Variants in LRRIQ1 observed in about 807,000 individuals in gnomAD.
LRRIQ1 encodes leucine rich repeats and IQ motif containing 1.
In LRRIQ1, 210 loss-of-function variants were observed where a neutral mutation model predicts 211.9. The observed-to-expected ratio is 0.99, with a 90% confidence interval of 0.89 to 1.11. The LOEUF is 1.11. LRRIQ1 is among the 50% of genes most tolerant of loss of function. The probability of loss-of-function intolerance (pLI) is 0.00; values close to 1 mark genes in which losing one functional copy is unlikely to be tolerated. For synonymous variants in LRRIQ1, 699 were observed against 650.1 expected (o/e 1.08, Z -1.14); for missense variants, 2,136 against 1,939.5 (o/e 1.10, Z -1.90).
At chr12:85,055,411 T>C in intron 7 of LRRIQ1, 136 bp from the exon 8 acceptor site, 1 of 668,524 alleles carries the variant, frequency 1.5e-6, no homozygotes, top group East Asian at 3.5e-5. Flanking sequence ...GACTTTAGTT[T>C]CTCTAAATAA....
intron 18 of LRRIQ1, among the ~76,000 whole-genome samples, chr12:85,132,429 G>A (rs756621777): frequency 2.6e-5 from 4 of 152,150 alleles, no homozygotes; most frequent in Admixed American, 2.0e-4. Flanking sequence ...GGGAGAAGGC[G>A]TTCTGAAAGA....
chr12:85,252,430 G>A (rs1377461735), intron 1 of LRRIQ1, among the ~76,000 whole-genome samples: 3 of 151,882 alleles, frequency 2.0e-5, no homozygotes, highest in African/African-American at 7.2e-5. Context: ...TAGACCAACA[G>A]ATACAATGTA....
chr12:85,096,598 A>G (rs2136263687), intron 11 of LRRIQ1, among the ~76,000 whole-genome samples: 1 of 152,228 alleles, frequency 6.6e-6, no homozygotes, highest in Non-Finnish European at 1.5e-5. Flanking sequence ...ACCTTAGCAT[A>G]TGTTCTGTGT....
chr12:85,259,418 T>G (rs1312422616), intron 1 of LRRIQ1, among the ~76,000 whole-genome samples: 2 of 152,074 alleles, frequency 1.3e-5, no homozygotes. Flanking sequence ...TAGGACAAAG[T>G]AATGACTTTG....
chr12:85,261,465 CTAA>C lies in LRRIQ1; in HGVS notation c.122-1448_122-1446del, dbSNP rs1246205393. 8.6e-5 allele frequency among the ~76,000 whole-genome samples: 13 copies of C among 152,036 alleles called. No individual in the cohort carries two copies. In the East Asian group the frequency reaches 2.5e-3, roughly 29 times the overall value. Reference sequence around the variant, plus strand: ...TTACAGACCAATTTCCTCAAATGGCCTAATGTTTGCTGACTCTTCTATTTGAAT... The same window carrying C: ...TTACAGACCAATTTCCTCAAATGGCCTGTTTGCTGACTCTTCTATTTGAAT... On this transcript the variant is annotated intron_variant, in intron 1 of 1. Transcript: ENST00000602731.
chr12:85,117,082 A>G (rs1300722493), intron 15 of LRRIQ1, among the ~76,000 whole-genome samples: 1 of 152,148 alleles, frequency 6.6e-6, no homozygotes, highest in East Asian at 1.9e-4. Flanking sequence ...GTAGTTCATA[A>G]ACAGTCATTT....
At chr12:85,127,002 C>A (rs1350725459) in intron 17 of LRRIQ1, among the ~76,000 whole-genome samples, 1 of 152,086 alleles carries the variant, frequency 6.6e-6, no homozygotes, top group Non-Finnish European at 1.5e-5. Context: ...AATTACTAAT[C>A]TTTTTAAGCC....
chr12:85,213,518 A>G (rs1278244120), intron 24 of LRRIQ1, among the ~76,000 whole-genome samples: 1 of 152,030 alleles, frequency 6.6e-6, no homozygotes, highest in Non-Finnish European at 1.5e-5. Context: ...AGAACATTCA[A>G]CAATTGGAAA....
At position 85,237,783 on chromosome 12, in the gene LRRIQ1, T is replaced by A. The variant is rs535251358; in HGVS notation, c.5016+5027T>A. The stretch of plus-strand genomic sequence containing the variant: ...TTAATCAACAAATAAATCAACTGCC[T>A]GCTAGAATAAAAACTGCCTCTGTTA... On this transcript the variant is annotated intron_variant, in intron 26 of 26. Transcript: ENST00000393217. Among the ~76,000 whole-genome samples, 6 of 152,238 alleles carry A rather than the reference T, an allele frequency of 3.9e-5. No individual in the cohort carries two copies. In the South Asian group the frequency reaches 6.2e-4, roughly 16 times the overall value.
At chr12:85,171,496 T>A (rs1356024572) in intron 24 of LRRIQ1, among the ~76,000 whole-genome samples, 2 of 152,086 alleles carry the variant, frequency 1.3e-5, no homozygotes, top group African/African-American at 4.8e-5. Flanking sequence ...AAGACAGAAA[T>A]TTTAATAAGA....
intron 13 of LRRIQ1, among the ~76,000 whole-genome samples, chr12:85,102,095 G>A (rs11116708): frequency 0.28 from 41,821 of 151,194 alleles, 5,931 homozygotes; most frequent in Admixed American, 0.33. Context: ...TTTTTAATAA[G>A]TACATTTATT....
chr12:85,065,236 C>T (rs759259249), intron 8 of LRRIQ1, 26 bp from the exon 9 acceptor site: 1 of 1,587,978 alleles, frequency 6.3e-7, no homozygotes, highest in Non-Finnish European at 8.6e-7. Context: ...TAACACTACA[C>T]ACTCCAATTT....
chr12:85,203,212 A>G (rs891415617), intron 24 of LRRIQ1, among the ~76,000 whole-genome samples: 2 of 152,164 alleles, frequency 1.3e-5, no homozygotes, highest in African/African-American at 2.4e-5. Context: ...GCTGCCATCC[A>G]TGTAAGACAG....
At chr12:85,109,275 A>T (rs1306372028) in intron 15 of LRRIQ1, among the ~76,000 whole-genome samples, 1 of 152,014 alleles carries the variant, frequency 6.6e-6, no homozygotes, top group East Asian at 1.9e-4. Flanking sequence ...TGTTTCCTGG[A>T]TTTGTTACTT....
intron 24 of LRRIQ1, among the ~76,000 whole-genome samples, chr12:85,184,522 A>G (rs1892139697): frequency 6.6e-6 from 1 of 152,054 alleles, no homozygotes; most frequent in Non-Finnish European, 1.5e-5. Flanking sequence ...ATAACTACAT[A>G]AAGTTGAAAG....
chr12:85,198,035 TATATAATATATTATATAATTATATATAAC>T (rs1485926788), intron 24 of LRRIQ1, among the ~76,000 whole-genome samples: 25,242 of 90,964 alleles, frequency 0.28, 4,685 homozygotes, highest in African/African-American at 0.57. Context: ...ATATATAACA[TATATAATATATTATATAATTATATATAAC>T]ATATTATTTA....
chr12:85,128,705 G>T (rs1005882748), intron 18 of LRRIQ1, among the ~76,000 whole-genome samples: 22 of 152,146 alleles, frequency 1.4e-4, no homozygotes, highest in African/African-American at 5.1e-4. Context: ...ATTTCTATAT[G>T]TTTGAAAATC....
At chr12:85,104,171 G>A (rs1357585567) in intron 14 of LRRIQ1, 94 bp downstream of exon 14, 4 of 523,008 alleles carry the variant, frequency 7.6e-6, no homozygotes, top group African/African-American at 6.0e-5. Flanking sequence ...TAAGTTAATG[G>A]CATTTACATA....
intron 1 of LRRIQ1, among the ~76,000 whole-genome samples, chr12:85,251,493 T>A (rs1281066363): frequency 1.3e-5 from 2 of 151,968 alleles, no homozygotes; most frequent in Non-Finnish European, 2.9e-5. Context: ...AATATGTGTT[T>A]AGAGTTTGGG....
Sources: allele counts gnomAD v4.1 joint callset (sites outside exome capture counted in the v4.1 genomes callset), GRCh38; gene constraint gnomAD v4.1.1; transcripts MANE v1.5; gene names NCBI Gene and HGNC (gene_info 2026-07-23, HGNC 2026-07-21).